The following PSTPIP2 variants were observed in gnomAD, a reference collection of about 807,000 sequenced individuals.
PSTPIP2 encodes proline-serine-threonine phosphatase interacting protein 2, also known as proline-serine-threonine phosphatase-interacting protein 2.
A neutral mutation model predicts 63.3 loss-of-function variants in PSTPIP2; 33 were observed. That is an observed-to-expected ratio of 0.52 (90% CI 0.40 to 0.70). The LOEUF (loss-of-function observed/expected upper bound fraction) is 0.70, where lower values mean the gene tolerates loss of function less well. Among genes scored for constraint, PSTPIP2 ranks in the 30% least tolerant of loss-of-function variants. PSTPIP2 has a pLI of 0.00. For missense variants in PSTPIP2, 312 were observed against 400.7 expected (o/e 0.78, Z 1.89); for synonymous variants, 125 against 132.7 (o/e 0.94, Z 0.40).
rs1213434616 is a variant in PSTPIP2, at chr18:46,039,942, C to T, written c.134+5G>A. ...CTCTTCAGAGAGGACAGAGCATCAT[C>T]GTACCTTTCTTTTAGAAAGTCTTCA... On this transcript the variant is annotated splice_donor_5th_base_variant and intron_variant, in intron 2 of 14. Coordinates refer to ENST00000409746, the MANE Select transcript of PSTPIP2 (RefSeq NM_024430.4). 2.5e-6 allele frequency: 4 copies of T among 1,603,836 alleles called. No homozygotes were observed. The highest frequency in any genetic ancestry group is 2.7e-5 in the African/African-American group (2 of 74,686).
At chr18:45,993,739 A>C in intron 9 of PSTPIP2, 36 bp from the exon 10 acceptor site, 6 of 1,565,596 alleles carry the variant, frequency 3.8e-6, no homozygotes, top group Non-Finnish European at 5.3e-6. Context: ...TAGATATGCA[A>C]GGAAAAGGAC....
intron 7 of PSTPIP2, 148 bp from the exon 8 acceptor site, chr18:45,998,987 A>T (rs1019348654): frequency 6.1e-5 from 47 of 766,482 alleles, no homozygotes; most frequent in Non-Finnish European, 9.5e-5. Context: ...TGAGCAAATC[A>T]TTCAACGTGC....
chr18:46,012,301 A>T (rs991097950), intron 4 of PSTPIP2, among the ~76,000 whole-genome samples: 7 of 152,180 alleles, frequency 4.6e-5, no homozygotes, highest in Non-Finnish European at 8.8e-5. Context: ...TTTCTGGAGG[A>T]AATTTGGCAT....
chr18:45,992,349 T>C, intron 10 of PSTPIP2, 147 bp from the exon 11 acceptor site: 2 of 662,588 alleles, frequency 3.0e-6, no homozygotes, highest in Non-Finnish European at 5.3e-6. Context: ...GATCACAAGG[T>C]CAGGAGTTCG....
intron 1 of PSTPIP2, among the ~76,000 whole-genome samples, chr18:46,048,529 G>A (rs768443482): frequency 6.6e-6 from 1 of 152,162 alleles, no homozygotes; most frequent in Non-Finnish European, 1.5e-5. Flanking sequence ...TAAGCATCAC[G>A]TGCCTTCTGT....
chr18:46,038,487 A>G (rs561908094), intron 2 of PSTPIP2, among the ~76,000 whole-genome samples: 1 of 152,324 alleles, frequency 6.6e-6, no homozygotes, highest in East Asian at 1.9e-4. Flanking sequence ...TATAGAAGCC[A>G]TAACTGGGGG....
At chr18:46,008,211 A>G (rs2051752449) in intron 5 of PSTPIP2, among the ~76,000 whole-genome samples, 1 of 152,250 alleles carries the variant, frequency 6.6e-6, no homozygotes, top group Non-Finnish European at 1.5e-5. Flanking sequence ...AGAAAGGAAG[A>G]GGAAACTTGC....
At chr18:46,021,045 T>C (rs982202580) in intron 3 of PSTPIP2, among the ~76,000 whole-genome samples, 12 of 152,218 alleles carry the variant, frequency 7.9e-5, no homozygotes, top group African/African-American at 2.7e-4. Context: ...GCTTTCTTTA[T>C]AAATGAAAAA....
intron 1 of PSTPIP2, among the ~76,000 whole-genome samples, chr18:46,069,033 C>A (rs7359798): frequency 0.42 from 64,389 of 151,998 alleles, 14,846 homozygotes; most frequent in Middle Eastern, 0.56. Flanking sequence ...GAAACAGCAA[C>A]TAGGAAGCTG....
intron 5 of PSTPIP2, among the ~76,000 whole-genome samples, chr18:46,007,884 G>A (rs1052374878): frequency 1.3e-5 from 2 of 152,172 alleles, no homozygotes; most frequent in Non-Finnish European, 2.9e-5. Context: ...GTGGACCCTG[G>A]GGCCCAAGAG....
chr18:46,020,521 C>T (rs1300317678), intron 3 of PSTPIP2, among the ~76,000 whole-genome samples: 3 of 152,078 alleles, frequency 2.0e-5, no homozygotes, highest in South Asian at 2.1e-4. Context: ...GGTGGGGTGG[C>T]GAGTGCCTAT....
At position 46,023,687 on chromosome 18, in the gene PSTPIP2, T is replaced by C. The variant is rs564663603; in HGVS notation, c.212+922A>G. ...AATTTTATAGGTGTTTTACTTAGGA[T>C]AGATATTATAAAATAATATCAACAC... On this transcript the variant is annotated intron_variant, in intron 3 of 14. Transcript: ENST00000409746. Among the ~76,000 whole-genome samples the C allele has an allele frequency of 3.3e-5, 5 of 152,196 alleles. No homozygotes were observed. The East Asian group carries it at 9.6e-4, about 29-fold the overall frequency.
chr18:46,033,131 T>C (rs1372527703), intron 2 of PSTPIP2, among the ~76,000 whole-genome samples: 1 of 152,138 alleles, frequency 6.6e-6, no homozygotes, highest in Non-Finnish European at 1.5e-5. Context: ...CCTTGAATAA[T>C]ATCAGCACTG....
chr18:46,021,903 G>A (rs528380266), intron 3 of PSTPIP2, among the ~76,000 whole-genome samples: 41 of 129,616 alleles, frequency 3.2e-4, no homozygotes, highest in African/African-American at 1.2e-3. Context: ...TTCTAAATAC[G>A]ATTAATCATG....
At chr18:45,989,560 AC>A (rs1023297307) in intron 13 of PSTPIP2, 3 of 152,996 alleles carry the variant, frequency 2.0e-5, no homozygotes, top group Non-Finnish European at 4.4e-5. Context: ...ATTCTCTTGA[AC>A]ATGGATAGGT....
At chr18:46,009,674 C>CA (rs59449216) in intron 5 of PSTPIP2, among the ~76,000 whole-genome samples, 4,731 of 152,228 alleles carry the variant, frequency 0.031, 256 homozygotes, top group African/African-American at 0.11. Context: ...GCAAAATTAA[C>CA]AAACTCTCCC....
At chr18:45,995,782 T>C (rs1285335447) in intron 9 of PSTPIP2, among the ~76,000 whole-genome samples, 2 of 152,054 alleles carry the variant, frequency 1.3e-5, no homozygotes, top group Non-Finnish European at 2.9e-5. Flanking sequence ...GTAGGGGTCG[T>C]AGATAGAAAG....
At chr18:46,030,279 A>C (rs1448257804) in intron 2 of PSTPIP2, among the ~76,000 whole-genome samples, 2 of 152,200 alleles carry the variant, frequency 1.3e-5, no homozygotes, top group Non-Finnish European at 2.9e-5. Flanking sequence ...TGAATGTGTG[A>C]TAATATATGG....
chr18:46,007,061 C>T (rs16978510), intron 5 of PSTPIP2, among the ~76,000 whole-genome samples: 5,061 of 152,110 alleles, frequency 0.033, 271 homozygotes, highest in African/African-American at 0.12. Context: ...CTGTAAACAA[C>T]GAAAAGATGC....
Sources: allele counts gnomAD v4.1 joint callset (sites outside exome capture counted in the v4.1 genomes callset), GRCh38; gene constraint gnomAD v4.1.1; transcripts MANE v1.5; gene names NCBI Gene and HGNC (gene_info 2026-07-23, HGNC 2026-07-21).